SEMA3E: variants seen among roughly 807,000 people sequenced by gnomAD.
SEMA3E encodes the protein semaphorin-3E.
Under a neutral mutation model 93.6 loss-of-function variants are expected in SEMA3E, and 49 were observed. The observed-to-expected ratio is 0.52, with a 90% confidence interval of 0.42 to 0.66. The LOEUF (loss-of-function observed/expected upper bound fraction) is 0.66, where lower values mean the gene tolerates loss of function less well. SEMA3E is among the 30% of genes least tolerant of loss of function. The pLI is 0.00. For synonymous variants in SEMA3E, 363 were observed against 330.7 expected, an observed-to-expected ratio of 1.10 and a Z score of -1.06; for missense variants, 906 against 964.8, an observed-to-expected ratio of 0.94 and a Z score of 0.81.
intron 4 of SEMA3E, among the ~76,000 whole-genome samples, chr7:83,430,014 T>C (rs1322781357): frequency 1.3e-5 from 2 of 152,168 alleles, no homozygotes. Context: ...TATGCACTCA[T>C]GGATAATTTA....
rs141596520 is a variant in SEMA3E, at chr7:83,562,112, A to G, written c.116-71838T>C. The stretch of plus-strand genomic sequence containing the variant: ...AATTGGATACGTATATTTGAAATGA[A>G]AACCTTTCAAAGGAAACATTTGAAA... On this transcript the variant is annotated intron_variant, in intron 1 of 16. Transcript: ENST00000643230. Among the ~76,000 whole-genome samples the G allele has an allele frequency of 1.8e-4, 27 of 152,322 alleles. 1 individual carries two copies. The East Asian group carries it at 5.2e-3, about 29-fold the overall frequency.
intron 5 of SEMA3E, among the ~76,000 whole-genome samples, chr7:83,412,013 G>C (rs556542578): frequency 1.3e-5 from 2 of 152,234 alleles, no homozygotes; most frequent in African/African-American, 4.8e-5. Flanking sequence ...TCTGCTGTTT[G>C]ACCACCACAA....
At chr7:83,495,662 T>C (rs1275625595) in intron 1 of SEMA3E, among the ~76,000 whole-genome samples, 2 of 151,966 alleles carry the variant, frequency 1.3e-5, no homozygotes, top group African/African-American at 2.4e-5. Flanking sequence ...AGTAAAAATA[T>C]CAACACTGTT....
At chr7:83,481,052 C>T (rs1285004467) in intron 2 of SEMA3E, among the ~76,000 whole-genome samples, 11 of 151,972 alleles carry the variant, frequency 7.2e-5, no homozygotes, top group East Asian at 1.9e-4. Context: ...GAAAAATGAA[C>T]GGCAATTTAA....
At chr7:83,487,814 G>C (rs1790298440) in intron 2 of SEMA3E, among the ~76,000 whole-genome samples, 2 of 151,674 alleles carry the variant, frequency 1.3e-5, no homozygotes, top group South Asian at 4.2e-4. Flanking sequence ...AAAGACATTA[G>C]AAAGAAAGGA....
chr7:83,576,772 C>T (rs1792414594), intron 1 of SEMA3E, among the ~76,000 whole-genome samples: 1 of 151,984 alleles, frequency 6.6e-6, no homozygotes, highest in Admixed American at 6.6e-5. Context: ...ATTACAGTCA[C>T]GTGCCACCAC....
chr7:83,617,945 T>C (rs931306941), intron 1 of SEMA3E, among the ~76,000 whole-genome samples: 3 of 152,076 alleles, frequency 2.0e-5, no homozygotes, highest in African/African-American at 7.2e-5. Context: ...ACACATTCAC[T>C]GATCATCTGC....
At chr7:83,587,034 G>A (rs1792643689) in intron 1 of SEMA3E, among the ~76,000 whole-genome samples, 1 of 152,122 alleles carries the variant, frequency 6.6e-6, no homozygotes, top group Non-Finnish European at 1.5e-5. Context: ...CTGAGAATTA[G>A]TCACTATGAA....
Position 83,405,953 on chromosome 7 carries a change from T to C in SEMA3E, c.920A>G (p.Asp307Gly). 6.2e-7 allele frequency: 1 copy of C among 1,610,198 alleles called. No individual in the cohort carries two copies. ...CACCTAAAAACATTTACCTAATTCA[T>C]CAAAATATGTGTCAATTCCATTCAT... ...PGMNGIDTYF[D>G]ELEDVFLLPT... The change falls in exon 8 of 17, where the codon GAT becomes GGT. Residue 307 changes from aspartate (D) to glycine (G), a missense_variant. Coordinates refer to ENST00000643230, the MANE Select transcript of SEMA3E (RefSeq NM_012431.3).
At chr7:83,557,035 T>A (rs932472307) in intron 1 of SEMA3E, among the ~76,000 whole-genome samples, 2 of 152,192 alleles carry the variant, frequency 1.3e-5, no homozygotes, top group Non-Finnish European at 2.9e-5. Context: ...ATGTTCTTTA[T>A]AAATTACCCA....
intron 1 of SEMA3E, among the ~76,000 whole-genome samples, chr7:83,603,517 A>G (rs912385042): frequency 2.0e-5 from 3 of 152,190 alleles, no homozygotes; most frequent in Non-Finnish European, 4.4e-5. Context: ...AACTTTAAAT[A>G]TAGAAAAATG....
intron 1 of SEMA3E, among the ~76,000 whole-genome samples, chr7:83,562,026 A>G (rs1792040067): frequency 6.6e-6 from 1 of 152,176 alleles, no homozygotes. Flanking sequence ...TATGTACACA[A>G]TATGTAAAAT....
chr7:83,369,572 T>C lies in SEMA3E; in HGVS notation c.1876-1534A>G, dbSNP rs560908001. Among the ~76,000 whole-genome samples the C allele has an allele frequency of 7.9e-5, 12 of 152,298 alleles. No homozygotes were observed. The South Asian group carries it at 2.5e-3, about 32-fold the overall frequency. On this transcript the variant is annotated intron_variant, in intron 16 of 16. Transcript: ENST00000643230. ...AGAGTCTCCATAAGTCTTTTGCAGG[T>C]GCTTCCCTTGACTTGGTGGGACCAT... is the stretch of plus-strand genomic sequence containing the variant.
intron 1 of SEMA3E, among the ~76,000 whole-genome samples, chr7:83,643,814 T>C (rs1794044970): frequency 6.6e-6 from 1 of 152,016 alleles, no homozygotes; most frequent in African/African-American, 2.4e-5. Flanking sequence ...TGTCTCTCCC[T>C]GAAGCTCTGG....
At chr7:83,396,912 C>A (rs998139193) in intron 11 of SEMA3E, among the ~76,000 whole-genome samples, 183 bp from the exon 12 acceptor site, 2 of 151,802 alleles carry the variant, frequency 1.3e-5, no homozygotes, top group Non-Finnish European at 2.9e-5. Flanking sequence ...AACCCTGTCT[C>A]TACTAAAAAT....
chr7:83,511,607 T>C (rs147043846), intron 1 of SEMA3E, among the ~76,000 whole-genome samples: 12 of 152,066 alleles, frequency 7.9e-5, no homozygotes, highest in African/African-American at 2.4e-4. Flanking sequence ...AGAAGAGTCC[T>C]AGTGCGGTGG....
At chr7:83,417,773 T>C (rs1439066755) in intron 5 of SEMA3E, among the ~76,000 whole-genome samples, 2 of 152,180 alleles carry the variant, frequency 1.3e-5, no homozygotes, top group Non-Finnish European at 2.9e-5. Flanking sequence ...TTAAGTGAGA[T>C]TGTTTGGTAC....
At chr7:83,431,849 G>T (rs372403137) in intron 4 of SEMA3E, among the ~76,000 whole-genome samples, 1 of 152,154 alleles carries the variant, frequency 6.6e-6, no homozygotes, top group Non-Finnish European at 1.5e-5. Flanking sequence ...AATTAATGTG[G>T]CTGATTGTAT....
At chr7:83,444,762 C>T (rs992058164) in intron 4 of SEMA3E, among the ~76,000 whole-genome samples, 6 of 151,164 alleles carry the variant, frequency 4.0e-5, no homozygotes, top group African/African-American at 7.3e-5. Flanking sequence ...ACTCCGCCTC[C>T]GGGGTTCAAG....
Sources: gnomAD v4.1 joint callset for allele counts (sites outside exome capture counted in the v4.1 genomes callset) on GRCh38, gnomAD v4.1.1 for gene constraint, MANE v1.5 for transcripts, NCBI Gene and HGNC (gene_info 2026-07-23, HGNC 2026-07-21) for gene names.